The following KBTBD11 variants were observed in gnomAD, a reference collection of about 807,000 sequenced individuals.
KBTBD11 encodes kelch repeat and BTB domain containing 11, also known as kelch repeat and BTB domain-containing protein 11.
For missense variants in KBTBD11, 1,390 were observed against 1,001.8 expected (o/e 1.39, Z -5.23); for synonymous variants, 747 against 499.0 (o/e 1.50, Z -6.63).
chr8:1,996,323 A>C (rs544735525), intron 1 of KBTBD11, among the ~76,000 whole-genome samples: 1 of 152,178 alleles, frequency 6.6e-6, no homozygotes, highest in East Asian at 1.9e-4. Flanking sequence ...CTGGAGTGCA[A>C]TGGCGTGATC....
rs536308141 is a variant in KBTBD11 at position 2,005,691 on chromosome 8, G to A, written c.*2627G>A. ...TCCACCCATTAAAATAGTTAGATGA[G>A]GCTATTGCCTTGATGACAGCTGTCC... On this transcript the variant is annotated 3_prime_UTR_variant, in exon 2 of 2. Transcript: ENST00000320248. 4 of 167,188 alleles carry A rather than the reference G, an allele frequency of 2.4e-5. No homozygotes were observed. The highest frequency in any genetic ancestry group is 6.5e-5 in the Admixed American group (1 of 15,302). 10.4% of individuals were successfully genotyped at this position (167,188 alleles called of 1,614,324 possible). A position where few individuals can be genotyped will look rare whatever the true frequency, so the allele number is the denominator to read the frequency against.
Position 2,002,981 on chromosome 8 carries a change from C to T in KBTBD11, c.1789C>T (p.Pro597Ser). Reference protein sequence around the residue: ...QGGGFEALGAPLDVRGVLIPF... With the variant: ...QGGGFEALGASLDVRGVLIPF... ...CGGCGGCTTCGAGGCGCTGGGCGCC[C>T]CCTTGGACGTCCGGGGTGTGCTCAT... is the stretch of plus-strand genomic sequence containing the variant. Residue 597 changes from proline (P) to serine (S), a missense_variant, in exon 2 of 2, where the codon CCC becomes TCC. Pro to Ser is a moderately conservative substitution (Grantham distance 74, BLOSUM62 -1). Coordinates refer to ENST00000320248, the MANE Select transcript of KBTBD11 (RefSeq NM_014867.3). The surrounding 1 kb of genome is among the most constrained non-coding windows in gnomAD (Gnocchi z 4.1). 1 of 1,310,756 alleles carries T rather than the reference C, an allele frequency of 7.6e-7. No homozygotes were observed. Among genetic ancestry groups the T allele is most frequent in the East Asian group, 3.1e-5 (1 of 31,966 alleles). The allele number at this position is 1,310,756 out of a possible 1,614,324, so 81.2% of individuals were successfully genotyped here. A position where few individuals can be genotyped will look rare whatever the true frequency, so the allele number is the denominator to read the frequency against.
chr8:2,003,610 A>G lies in KBTBD11; in HGVS notation c.*546A>G, dbSNP rs1013410581. 9 of 167,072 alleles carry G rather than the reference A, an allele frequency of 5.4e-5. No individual in the cohort carries two copies. The highest frequency in any genetic ancestry group is 1.0e-4 in the Non-Finnish European group (7 of 68,136). The allele number at this position is 167,072 out of a possible 1,614,324, so 10.3% of individuals were successfully genotyped here. ...TGGTTGGCTCAACTCCAAAAAGAGTAATTTAATAAGCATTAAAGGTAAAAT... is the reference window on the plus strand; with the variant it reads ...TGGTTGGCTCAACTCCAAAAAGAGTGATTTAATAAGCATTAAAGGTAAAAT... On this transcript the variant is annotated 3_prime_UTR_variant, in exon 2 of 2. Coordinates refer to ENST00000320248, the MANE Select transcript of KBTBD11 (RefSeq NM_014867.3).
chr8:1,976,650 C>T (rs1177866604), intron 1 of KBTBD11, among the ~76,000 whole-genome samples: 1 of 152,014 alleles, frequency 6.6e-6, no homozygotes, highest in African/African-American at 2.4e-5. Context: ...TCTCTGCTAT[C>T]TGCAGCTGAG....
At chr8:1,987,040 A>G (rs1048211010) in intron 1 of KBTBD11, among the ~76,000 whole-genome samples, 6 of 144,232 alleles carry the variant, frequency 4.2e-5, no homozygotes, top group African/African-American at 1.6e-4. Context: ...AAAACCACGC[A>G]CACACACACA....
At chr8:1,997,649 C>T (rs926535761) in intron 1 of KBTBD11, among the ~76,000 whole-genome samples, 7 of 152,240 alleles carry the variant, frequency 4.6e-5, no homozygotes, top group East Asian at 1.9e-4. Context: ...TACTCAACAG[C>T]GTAGCTGAAG....
chr8:2,003,175 G>T lies in KBTBD11; in HGVS notation c.*111G>T, dbSNP rs1817464432. ...AGTCGGGGCCGCTGGCCACGCTGGT[G>T]GTTTGGACACTTCGAAGGAGCCCCG... is the stretch of plus-strand genomic sequence containing the variant. On this transcript the variant is annotated 3_prime_UTR_variant, in exon 2 of 2. Transcript: ENST00000320248. The T allele has an allele frequency of 8.0e-7, 1 of 1,244,096 alleles. No homozygotes were observed. The highest frequency in any genetic ancestry group is 4.2e-5 in the Admixed American group (1 of 23,546). The allele number at this position is 1,244,096 out of a possible 1,614,324, so 77.1% of individuals were successfully genotyped here.
intron 1 of KBTBD11, among the ~76,000 whole-genome samples, chr8:1,998,148 G>C (rs1276412968): frequency 1.3e-5 from 2 of 152,202 alleles, no homozygotes; most frequent in Admixed American, 1.3e-4. Context: ...TCAGATTTGG[G>C]GTTTTGGGAG....
At chr8:1,983,458 G>A (rs943323623) in intron 1 of KBTBD11, among the ~76,000 whole-genome samples, 3 of 152,192 alleles carry the variant, frequency 2.0e-5, no homozygotes, top group African/African-American at 7.2e-5. Flanking sequence ...GCTGGGGATT[G>A]TCTCGTTCCC....
At chr8:1,992,668 T>G (rs1322273742) in intron 1 of KBTBD11, among the ~76,000 whole-genome samples, 1 of 152,084 alleles carries the variant, frequency 6.6e-6, no homozygotes, top group Non-Finnish European at 1.5e-5. Context: ...TTCTATATCT[T>G]AAGACTTTTT....
intron 1 of KBTBD11, among the ~76,000 whole-genome samples, chr8:1,977,735 C>T (rs562762048): frequency 2.8e-4 from 42 of 152,150 alleles, no homozygotes; most frequent in Non-Finnish European, 4.4e-4. Context: ...GGGGTCTCAG[C>T]ATGTTAGCCA....
At chr8:1,981,096 A>T (rs1816525949) in intron 1 of KBTBD11, among the ~76,000 whole-genome samples, 1 of 152,230 alleles carries the variant, frequency 6.6e-6, no homozygotes, top group Non-Finnish European at 1.5e-5. Context: ...TGAATTTCAT[A>T]GCAGAAACCT....
rs1817348745 is a variant in KBTBD11 at position 2,001,433 on chromosome 8, G to C, written c.241G>C (p.Gly81Arg). 6.6e-6 allele frequency: 9 copies of C among 1,360,258 alleles called. No individual in the cohort carries two copies. The highest frequency in any genetic ancestry group is 1.8e-5 in the South Asian group (1 of 56,238). 84.3% of individuals were successfully genotyped at this position (1,360,258 alleles called of 1,614,324 possible). A position where few individuals can be genotyped will look rare whatever the true frequency, so the allele number is the denominator to read the frequency against. The change falls in exon 2 of 2, where the codon GGC becomes CGC. Residue 81 changes from glycine to arginine, a missense_variant. Transcript: ENST00000320248. ...GGTGGTGGAGCGGCAGTGGGAGGCC[G>C]GCAGCGCGGGCGCCGCGTCCCCGGA... ...PRVVERQWEAGSAGAASPEEL... is the reference protein window; with the variant it reads ...PRVVERQWEARSAGAASPEEL...
Position 2,002,040 on chromosome 8 carries a change from T to C in KBTBD11, c.848T>C (p.Leu283Pro), listed in dbSNP as rs774820255. The change falls in exon 2 of 2, where the codon CTG (leucine) becomes CCG (proline). Residue 283 changes from leucine (L) to proline (P), a missense_variant. Physicochemically the swap from Leu to Pro is moderately conservative, Grantham distance 98. Coordinates refer to ENST00000320248, the MANE Select transcript of KBTBD11 (RefSeq NM_014867.3). This position sits in a 1 kb window ranked among gnomAD's most constrained non-coding sequence, Gnocchi z 4.1. ...FGRLSGAERDLLLRRRLRAGR... is the reference protein window; with the variant it reads ...FGRLSGAERDPLLRRRLRAGR... ...CGCCTGTCGGGCGCAGAGCGGGACC[T>C]GCTGCTGCGCCGCCGCCTGCGCGCC... The C allele has an allele frequency of 1.6e-6, 2 of 1,280,334 alleles. No homozygotes were observed. Among genetic ancestry groups the C allele is most frequent in the African/African-American group, 1.6e-5 (1 of 63,582 alleles). 79.3% of individuals were successfully genotyped at this position (1,280,334 alleles called of 1,614,324 possible).
intron 1 of KBTBD11, among the ~76,000 whole-genome samples, chr8:1,995,380 G>C (rs1164706213): frequency 6.6e-6 from 1 of 152,048 alleles, no homozygotes; most frequent in Non-Finnish European, 1.5e-5. Flanking sequence ...GTAGCCGTAC[G>C]GCCAAGTTAA....
intron 1 of KBTBD11, among the ~76,000 whole-genome samples, chr8:1,978,481 G>C (rs1452863692): frequency 6.6e-6 from 1 of 152,220 alleles, no homozygotes; most frequent in Non-Finnish European, 1.5e-5. Flanking sequence ...GTCACTGTGT[G>C]ACCGTCCATG....
Position 2,002,171 on chromosome 8 carries a change from G to T in KBTBD11, c.979G>T (p.Val327Phe). 1 of 1,231,708 alleles carries T rather than the reference G, an allele frequency of 8.1e-7. No homozygotes were observed. The highest frequency in any genetic ancestry group is 1.0e-6 in the Non-Finnish European group (1 of 989,468). 76.3% of individuals were successfully genotyped at this position (1,231,708 alleles called of 1,614,324 possible). ...GDADARGDAA[V>F]YCFHAAAGEW... ...CGCGGACGCGCGCGGGGACGCGGCCGTCTACTGCTTCCACGCGGCGGCCGG... is the reference window on the plus strand; with the variant it reads ...CGCGGACGCGCGCGGGGACGCGGCCTTCTACTGCTTCCACGCGGCGGCCGG... Residue 327 changes from valine (V) to phenylalanine (F), a missense_variant, in exon 2 of 2, where the codon GTC (valine) becomes TTC (phenylalanine). Physicochemically the swap from Val to Phe is conservative, Grantham distance 50. Transcript: ENST00000320248. The surrounding 1 kb of genome is among the most constrained non-coding windows in gnomAD (Gnocchi z 4.1).
Position 2,001,849 on chromosome 8 carries a change from C to A in KBTBD11, c.657C>A (p.Ala219=), listed in dbSNP as rs561562641. The A allele has an allele frequency of 1.2e-5, 15 of 1,248,366 alleles. No homozygotes were observed. In the African/African-American group the frequency reaches 2.1e-4, roughly 17 times the overall value. 77.3% of individuals were successfully genotyped at this position (1,248,366 alleles called of 1,614,324 possible). A position where few individuals can be genotyped will look rare whatever the true frequency, so the allele number is the denominator to read the frequency against. ...AGARRLQLPG[A]AQRATDAVGP... ...CGCGCCGCCTGCAGCTGCCCGGCGCCGCGCAGCGCGCCACCGACGCCGTGG... is the reference window on the plus strand; with the variant it reads ...CGCGCCGCCTGCAGCTGCCCGGCGCAGCGCAGCGCGCCACCGACGCCGTGG... Residue 219 remains alanine (A), a synonymous_variant, in exon 2 of 2, where the codon GCC becomes GCA. Coordinates refer to ENST00000320248, the MANE Select transcript of KBTBD11 (RefSeq NM_014867.3).
At chr8:1,989,671 G>A (rs971514465) in intron 1 of KBTBD11, among the ~76,000 whole-genome samples, 4 of 152,176 alleles carry the variant, frequency 2.6e-5, no homozygotes, top group African/African-American at 7.2e-5. Context: ...TCTGCACGAC[G>A]CATCGCCTCC....
Sources: gnomAD v4.1 joint callset for allele counts (sites outside exome capture counted in the v4.1 genomes callset) on GRCh38, gnomAD v4.1.1 for gene constraint, Gnocchi (gnomAD v3.1) non-coding constraint, MANE v1.5 for transcripts, NCBI Gene and HGNC (gene_info 2026-07-23, HGNC 2026-07-21) for gene names.